LYSMD1: variants seen among roughly 807,000 people sequenced by gnomAD.
The protein encoded by LYSMD1 is lysM and putative peptidoglycan-binding domain-containing protein 1.
A neutral mutation model predicts 19.3 loss-of-function variants in LYSMD1; 9 were observed. That is an observed-to-expected ratio of 0.47 (90% CI 0.28 to 0.81). LYSMD1 has a LOEUF of 0.81. LYSMD1 is among the 40% of genes least tolerant of loss of function. The pLI, the probability that LYSMD1 is intolerant of heterozygous loss-of-function variation, is 0.11. For missense variants in LYSMD1, 262 were observed against 279.8 expected, an observed-to-expected ratio of 0.94 and a Z score of 0.45; for synonymous variants, 111 against 111.7, an observed-to-expected ratio of 0.99 and a Z score of 0.04.
chr1:151,158,155 T>C (rs1247321183), downstream of LYSMD1, among the ~76,000 whole-genome samples: 12 of 151,850 alleles, frequency 7.9e-5, no homozygotes, highest in South Asian at 2.3e-3. Context: ...AAACGCTGTC[T>C]CTACTAAAAA....
the LYSMD1 span, among the ~76,000 whole-genome samples, chr1:151,152,561 G>A: frequency 5.3e-5 from 8 of 151,014 alleles, no homozygotes; most frequent in Non-Finnish European, 1.0e-4. Context: ...TTAGCCGGGC[G>A]TGGGGGTGCG....
chr1:151,158,828 G>T, downstream of LYSMD1: 4 of 1,614,052 alleles, frequency 2.5e-6, no homozygotes, highest in Non-Finnish European at 2.5e-6. Context: ...GAGCTCTACC[G>T]TGTGTCCAAG....
At chr1:151,151,088 C>T in the LYSMD1 span, among the ~76,000 whole-genome samples, 361 of 152,120 alleles carry the variant, frequency 2.4e-3, 1 homozygote, top group Middle Eastern at 3.4e-3. Context: ...CTGGTGTTCC[C>T]TATGGTCATG....
chr1:151,159,985 A>G lies in LYSMD1; in HGVS notation c.*897T>C, dbSNP rs1033072503. ...ATATGCAGTGAGGAGGAAGGCATAG[A>G]GAGAGAGGGTCTGGAGGGGAGGGGG... is the stretch of plus-strand genomic sequence containing the variant. On this transcript the variant is annotated 3_prime_UTR_variant, in exon 3 of 3. Transcript: ENST00000368908. 1 of 154,222 alleles carries G rather than the reference A, an allele frequency of 6.5e-6. No individual in the cohort carries two copies. The highest frequency in any genetic ancestry group is 1.9e-4 in the East Asian group (1 of 5,152). The allele number at this position is 154,222 out of a possible 1,614,324, so 9.6% of individuals were successfully genotyped here. A position where few individuals can be genotyped will look rare whatever the true frequency, so the allele number is the denominator to read the frequency against.
rs1572067407 is a variant in LYSMD1 at position 151,161,848 on chromosome 1, T to G, written c.433A>C (p.Thr145Pro). The change falls in exon 2 of 3, where the codon ACC becomes CCC. Residue 145 changes from threonine (T) to proline (P), a missense_variant. By Grantham distance (38) the Thr-to-Pro change is conservative. Transcript: ENST00000368908. ...GEVLPTPGQE[T>P]PTPIHDLSAS... is the part of the protein sequence containing the mutation. ...GAGAGGTCATGGATGGGCGTGGGGG[T>G]TTCCTGGCCAGGTGTGGGGAGGACT... 1.2e-6 allele frequency: 2 copies of G among 1,613,498 alleles called. No homozygotes were observed. Among genetic ancestry groups the G allele is most frequent in the Non-Finnish European group, 1.7e-6 (2 of 1,179,858 alleles).
Position 151,162,532 on chromosome 1 carries a change from C to T in LYSMD1, c.181-432G>A, listed in dbSNP as rs770604989. 5.9e-5 allele frequency among the ~76,000 whole-genome samples: 9 copies of T among 152,326 alleles called. 1 individual carries two copies. Among genetic ancestry groups the T allele is most frequent in the African/African-American group, 2.2e-4 (9 of 41,570 alleles). ...AAGCTACTTTCCTAAAATTATCTAT[C>T]AAGTTAATGACAGAGCTAGAATGAC... On this transcript the variant is annotated intron_variant, in intron 1 of 2. Coordinates refer to ENST00000368908, the MANE Select transcript of LYSMD1 (RefSeq NM_212551.5).
downstream of LYSMD1, among the ~76,000 whole-genome samples, chr1:151,156,877 A>G (rs1354782115): frequency 6.6e-6 from 1 of 152,154 alleles, no homozygotes; most frequent in Non-Finnish European, 1.5e-5. Flanking sequence ...TCTGGTGGCA[A>G]GGCAGCCTCT....
At position 151,165,878 on chromosome 1, in the gene LYSMD1, T is replaced by G. The variant is rs1683669871; in HGVS notation, c.-620A>C. 1 of 1,094,808 alleles carries G rather than the reference T, an allele frequency of 9.1e-7. No individual in the cohort carries two copies. Among genetic ancestry groups the G allele is most frequent in the South Asian group, 1.3e-5 (1 of 74,604 alleles). The allele number at this position is 1,094,808 out of a possible 1,614,324, so 67.8% of individuals were successfully genotyped here. A position where few individuals can be genotyped will look rare whatever the true frequency, so the allele number is the denominator to read the frequency against. On this transcript the variant is annotated 5_prime_UTR_variant, in exon 1 of 3. Transcript: ENST00000368908. ...CAAGATGCAAGGGCCTGGATCCAGT[T>G]GAGCGGCAAGGTCTTTGAGAAAAGA...
rs2101697495 is a variant in LYSMD1, at chr1:151,165,578, A to G, written c.-320T>C. 6.7e-7 allele frequency: 1 copy of G among 1,482,224 alleles called. No individual in the cohort carries two copies. Among genetic ancestry groups the G allele is most frequent in the South Asian group, 1.3e-5 (1 of 74,088 alleles). The allele number at this position is 1,482,224 out of a possible 1,614,324, so 91.8% of individuals were successfully genotyped here. On this transcript the variant is annotated 5_prime_UTR_variant, in exon 1 of 3. Transcript: ENST00000368908. ...TTGAACTCTAGAAATAATCCTCAACACTCTTTCCTCAGTTTGCCCCCAAGT... is the reference window on the plus strand; with the variant it reads ...TTGAACTCTAGAAATAATCCTCAACGCTCTTTCCTCAGTTTGCCCCCAAGT...
chr1:151,161,742 T>C lies in LYSMD1; in HGVS notation c.539A>G (p.Glu180Gly). 6.2e-7 allele frequency: 1 copy of C among 1,609,394 alleles called. No individual in the cohort carries two copies. The highest frequency in any genetic ancestry group is 8.5e-7 in the Non-Finnish European group (1 of 1,178,796). The part of the protein sequence containing the change: ...KAAAQKLKKG[E>G]NGVPGEDAGL... ...GGAACCATTCAAGACTCACCCATTT[T>C]CCCCTTTTTTCAGCTTCTGAGCAGC... Residue 180 changes from glutamate to glycine, a missense_variant, in exon 2 of 3, where the codon GAA (glutamate) becomes GGA (glycine). Glu to Gly is a moderately conservative substitution (Grantham distance 98). Coordinates refer to ENST00000368908, the MANE Select transcript of LYSMD1 (RefSeq NM_212551.5).
Position 151,160,860 on chromosome 1 carries a change from CT to C in LYSMD1, c.*21del. On this transcript the variant is annotated 3_prime_UTR_variant, in exon 3 of 3. Transcript: ENST00000368908. ...AAGTTTCTCTTTCAACATCTTGCTT[CT>C]CTCAGTCAGTTCTGGGGACATCAGA... 1 of 1,600,398 alleles carries C rather than the reference CT, an allele frequency of 6.2e-7. No homozygotes were observed. The highest frequency in any genetic ancestry group is 8.6e-7 in the Non-Finnish European group (1 of 1,168,802).
downstream of LYSMD1, chr1:151,158,878 A>G: frequency 6.2e-7 from 1 of 1,614,222 alleles, no homozygotes; most frequent in East Asian, 2.2e-5. Flanking sequence ...GCGCGTGATC[A>G]AGGACCTGAT....
chr1:151,157,497 T>C (rs587630724), downstream of LYSMD1, among the ~76,000 whole-genome samples: 2 of 152,272 alleles, frequency 1.3e-5, no homozygotes, highest in South Asian at 4.2e-4. Flanking sequence ...AAGAGGGTCC[T>C]GAGTTCAGTG....
In LYSMD1 at chr1:151,162,011, G is replaced by T. The variant is rs763903092; in HGVS notation, c.270C>A (p.Pro90=). ...AGTCCAAACCATTGAACAGGTCTCT[G>T]GGCTCTGTCAGGATGGGGATGTAGA... ...KTLYIPILTE[P]RDLFNGLDSE... Residue 90 remains proline (P), a synonymous_variant, in exon 2 of 3, where the codon CCC becomes CCA. Coordinates refer to ENST00000368908, the MANE Select transcript of LYSMD1 (RefSeq NM_212551.5). 4.3e-6 allele frequency: 7 copies of T among 1,613,738 alleles called. No individual in the cohort carries two copies. In the African/African-American group the frequency reaches 8.0e-5, roughly 18 times the overall value.
At chr1:151,159,043 CT>C, downstream of LYSMD1, 2 of 1,614,210 alleles carry the variant, frequency 1.2e-6, no homozygotes, top group Non-Finnish European at 1.7e-6. Flanking sequence ...GGCTGCTGTT[CT>C]GGCTGGCCTG....
At position 151,160,925 on chromosome 1, in the gene LYSMD1, G is replaced by A. The variant is rs1683420754; in HGVS notation, c.641C>T (p.Thr214Ile). ...GPVPLTRTSR[T>I]RTLRDQEDEI... ...ATCCTCCTGGTCCCGTAGTGTCCGG[G>A]TCCGAGAGGTACGGGTCAGCGGCAC... The change falls in exon 3 of 3, where the codon ACC (threonine) becomes ATC (isoleucine). Residue 214 changes from threonine to isoleucine, a missense_variant. By Grantham distance (89) the Thr-to-Ile change is moderately conservative (BLOSUM62 -1). Transcript: ENST00000368908. 3 of 1,614,050 alleles carry A rather than the reference G, an allele frequency of 1.9e-6. No individual in the cohort carries two copies. The highest frequency in any genetic ancestry group is 2.2e-5 in the South Asian group (2 of 91,090).
Position 151,160,774 on chromosome 1 carries a change from T to C in LYSMD1, c.*108A>G, listed in dbSNP as rs2101686496. On this transcript the variant is annotated 3_prime_UTR_variant, in exon 3 of 3. Coordinates refer to ENST00000368908, the MANE Select transcript of LYSMD1 (RefSeq NM_212551.5). Reference sequence around the variant, plus strand: ...AGGAGGCTGGGGAGGATGGCTGGAGTGGAGGGAGGCAGGCTCATAAGCCAT... The same window carrying C: ...AGGAGGCTGGGGAGGATGGCTGGAGCGGAGGGAGGCAGGCTCATAAGCCAT... The C allele has an allele frequency of 2.2e-6, 3 of 1,358,234 alleles. No homozygotes were observed. The East Asian group carries it at 7.2e-5, about 32-fold the overall frequency. The allele number at this position is 1,358,234 out of a possible 1,614,324, so 84.1% of individuals were successfully genotyped here. A position where few individuals can be genotyped will look rare whatever the true frequency, so the allele number is the denominator to read the frequency against.
In LYSMD1 at chr1:151,165,415, C is replaced by T. The variant is rs1056176410; in HGVS notation, c.-157G>A. On this transcript the variant is annotated 5_prime_UTR_variant, in exon 1 of 3. Coordinates refer to ENST00000368908, the MANE Select transcript of LYSMD1 (RefSeq NM_212551.5). ...CTCCCCAGCACTACGCCATCTGCCC[C>T]CTCCCGGTTTCTCCTCCCTCCAAGC... The T allele has an allele frequency of 7.0e-7, 1 of 1,438,826 alleles. No individual in the cohort carries two copies. The highest frequency in any genetic ancestry group is 9.1e-7 in the Non-Finnish European group (1 of 1,100,812). 89.1% of individuals were successfully genotyped at this position (1,438,826 alleles called of 1,614,324 possible).
the LYSMD1 span, among the ~76,000 whole-genome samples, chr1:151,150,188 T>C: frequency 6.6e-6 from 1 of 152,070 alleles, no homozygotes. Context: ...ACTCCTAGGC[T>C]CAAGTGATTC....
Sources: gnomAD v4.1 joint callset for allele counts (sites outside exome capture counted in the v4.1 genomes callset) on GRCh38, gnomAD v4.1.1 for gene constraint, MANE v1.5 for transcripts, NCBI Gene and HGNC (gene_info 2026-07-23, HGNC 2026-07-21) for gene names.